The following ZBTB37 variants were observed in gnomAD, a reference collection of about 807,000 sequenced individuals.
The protein encoded by ZBTB37 is zinc finger and BTB domain containing 37.
In ZBTB37, 15 loss-of-function variants were observed where a neutral mutation model predicts 37.7. The observed-to-expected ratio is 0.40, with a 90% confidence interval of 0.27 to 0.61. The LOEUF (loss-of-function observed/expected upper bound fraction) is 0.61. Among genes scored for constraint, ZBTB37 ranks in the 20% least tolerant of loss-of-function variants. The pLI is 0.44. For missense variants in ZBTB37, 514 were observed against 641.9 expected, an observed-to-expected ratio of 0.80 and a Z score of 2.15; for synonymous variants, 231 against 220.6, an observed-to-expected ratio of 1.05 and a Z score of -0.42.
downstream of ZBTB37, chr1:173,891,521 C>G (rs1656838193): frequency 6.6e-6 from 1 of 152,148 alleles, no homozygotes; most frequent in Admixed American, 6.6e-5. Flanking sequence ...CTTCTAAATA[C>G]ATATTGGACC....
At chr1:173,902,848 A>ACG (rs1260390454) in exon 4 of ZBTB37, 2 of 152,178 alleles carry the variant, frequency 1.3e-5, no homozygotes, top group African/African-American at 2.4e-5. Flanking sequence ...ATGTAAACAC[A>ACG]CAAGTAATAA....
intron 4 of ZBTB37, among the ~76,000 whole-genome samples, chr1:173,875,255 T>TACACACAC (rs66717477): frequency 2.0e-5 from 3 of 149,896 alleles, no homozygotes; most frequent in Admixed American, 6.7e-5. Context: ...ATGCGTAGTA[T>TACACACAC]ACACACACAC....
chr1:173,900,216 A>G (rs1045345866), exon 4 of ZBTB37: 1 of 148,816 alleles, frequency 6.7e-6, no homozygotes, highest in African/African-American at 2.6e-5. Flanking sequence ...CTTTTCTTGG[A>G]TTGTTTTTTT....
exon 4 of ZBTB37, chr1:173,892,916 T>G (rs911381372): frequency 1.3e-5 from 2 of 152,206 alleles, no homozygotes; most frequent in Non-Finnish European, 2.9e-5. Flanking sequence ...TGTTTTGTTT[T>G]GTTTAAGACA....
exon 4 of ZBTB37, chr1:173,896,786 A>G (rs1415504569): frequency 6.6e-6 from 1 of 152,180 alleles, no homozygotes; most frequent in Non-Finnish European, 1.5e-5. Context: ...AAGTAATAGA[A>G]TCCTAACTAT....
chr1:173,898,947 G>A (rs1657156649), exon 4 of ZBTB37: 1 of 152,220 alleles, frequency 6.6e-6, no homozygotes, highest in Non-Finnish European at 1.5e-5. Context: ...AGTGAAATGA[G>A]AGAGTGACCC....
intron 4 of ZBTB37, among the ~76,000 whole-genome samples, chr1:173,875,193 A>ACACACACTATGTATACTATAGTATG (rs919306237): frequency 6.6e-6 from 1 of 151,240 alleles, no homozygotes; most frequent in Non-Finnish European, 1.5e-5. Flanking sequence ...TATGTAGTAT[A>ACACACACTATGTATACTATAGTATG]CACACACTAT....
exon 4 of ZBTB37, chr1:173,897,399 A>G (rs1657091188): frequency 6.6e-6 from 1 of 152,254 alleles, no homozygotes; most frequent in African/African-American, 2.4e-5. Flanking sequence ...GAGAAAAAAG[A>G]TGTAGGTGTA....
chr1:173,897,776 C>T (rs1209426131), exon 4 of ZBTB37: 2 of 152,208 alleles, frequency 1.3e-5, no homozygotes, highest in Non-Finnish European at 2.9e-5. Flanking sequence ...GCTCCTCTAC[C>T]TCTGAGCACT....
chr1:173,892,237 C>A (rs1656869079), exon 4 of ZBTB37: 1 of 152,178 alleles, frequency 6.6e-6, no homozygotes, highest in Admixed American at 6.5e-5. Flanking sequence ...ATCTGCATCC[C>A]ACTCTATTTG....
chr1:173,876,217 T>C (rs1009739445), intron 4 of ZBTB37, among the ~76,000 whole-genome samples: 2 of 152,206 alleles, frequency 1.3e-5, no homozygotes, highest in South Asian at 2.1e-4. Flanking sequence ...TTTTTGCCTT[T>C]AAAAAGTAAA....
At chr1:173,883,901 A>C (rs1221197893) in intron 4 of ZBTB37, among the ~76,000 whole-genome samples, 1 of 152,192 alleles carries the variant, frequency 6.6e-6, no homozygotes. Context: ...AAGTACCGGC[A>C]CAATATTAAT....
intron 4 of ZBTB37, among the ~76,000 whole-genome samples, chr1:173,877,581 G>A (rs1359867355): frequency 6.6e-6 from 1 of 151,874 alleles, no homozygotes; most frequent in Non-Finnish European, 1.5e-5. Flanking sequence ...GGGTTTCACT[G>A]TGTTGCCCAG....
At chr1:173,901,177 G>C (rs1405774161) in exon 4 of ZBTB37, 1 of 112,678 alleles carries the variant, frequency 8.9e-6, no homozygotes, top group Non-Finnish European at 1.7e-5. Flanking sequence ...ACAAACGTTA[G>C]TTTGAGTACT....
chr1:173,876,137 A>G (rs995393442), intron 4 of ZBTB37, among the ~76,000 whole-genome samples: 13 of 150,178 alleles, frequency 8.7e-5, no homozygotes, highest in African/African-American at 3.2e-4. Context: ...TTTTTTTCTC[A>G]CAGGTCTGAT....
At chr1:173,889,367 A>G (rs117572397), downstream of ZBTB37, 11 of 152,370 alleles carry the variant, frequency 7.2e-5, no homozygotes, top group East Asian at 2.1e-3. Flanking sequence ...CTGAAAATTA[A>G]TTACCAAATC....
chr1:173,870,050 T>C (rs1339629110), intron 2 of ZBTB37, 150 bp from the exon 3 acceptor site: 1 of 572,702 alleles, frequency 1.7e-6, no homozygotes, highest in African/African-American at 1.9e-5. Flanking sequence ...GGTGATTCTG[T>C]TTCCACATCT....
downstream of ZBTB37, chr1:173,890,320 A>T (rs1656793366): frequency 1.3e-5 from 2 of 152,226 alleles, no homozygotes; most frequent in African/African-American, 4.8e-5. Context: ...GCAATGGATA[A>T]TGGAAAGGAA....
chr1:173,874,989 T>C (rs1303091894), intron 4 of ZBTB37, among the ~76,000 whole-genome samples: 1 of 151,954 alleles, frequency 6.6e-6, no homozygotes, highest in Non-Finnish European at 1.5e-5. Context: ...AAAAGTAAGA[T>C]TGTGGAACTC....
Sources: allele counts gnomAD v4.1 joint callset (sites outside exome capture counted in the v4.1 genomes callset), GRCh38; gene constraint gnomAD v4.1.1; transcripts MANE v1.5; gene names NCBI Gene and HGNC (gene_info 2026-07-23, HGNC 2026-07-21).